Variants in MAN2A1 observed in about 807,000 individuals in gnomAD.
MAN2A1 encodes mannosidase alpha class 2A member 1.
Under a neutral mutation model 142.6 loss-of-function variants are expected in MAN2A1, and 76 were observed. The observed-to-expected ratio is 0.53, with a 90% CI of 0.44 to 0.65. The LOEUF (loss-of-function observed/expected upper bound fraction) is 0.65, where lower values mean the gene tolerates loss of function less well. Ranked by LOEUF, MAN2A1 falls within the 30% of genes least tolerant of loss-of-function variation. The pLI, the probability that MAN2A1 is intolerant of heterozygous loss-of-function variation, is 0.00. For synonymous variants in MAN2A1, 559 were observed against 473.2 expected (o/e 1.18, Z -2.35); for missense variants, 1,311 against 1,365.1 (o/e 0.96, Z 0.62).
intron 20 of MAN2A1, among the ~76,000 whole-genome samples, chr5:109,861,915 A>G (rs1755769050): frequency 6.6e-6 from 1 of 152,220 alleles, no homozygotes; most frequent in Admixed American, 6.5e-5. Flanking sequence ...GGTCATTGCT[A>G]TTTGAGTATA....
chr5:109,733,565 G>T (rs568702591), intron 4 of MAN2A1, among the ~76,000 whole-genome samples: 4 of 152,218 alleles, frequency 2.6e-5, no homozygotes, highest in East Asian at 3.9e-4. Flanking sequence ...AGAGTTTTTA[G>T]CATGAAGTGT....
At chr5:109,833,828 T>G (rs1226194186) in intron 16 of MAN2A1, among the ~76,000 whole-genome samples, 4 of 152,226 alleles carry the variant, frequency 2.6e-5, no homozygotes, top group Admixed American at 2.6e-4. Context: ...TCAATTATTT[T>G]TAAAGATCTA....
chr5:109,720,080 A>G (rs941409908), intron 3 of MAN2A1, among the ~76,000 whole-genome samples: 12 of 152,196 alleles, frequency 7.9e-5, no homozygotes, highest in South Asian at 6.2e-4. Context: ...TGTATCTATA[A>G]TCTTAATTCT....
intron 1 of MAN2A1, chr5:109,699,498 G>C (rs1390095249): frequency 6.6e-6 from 1 of 152,154 alleles, no homozygotes; most frequent in Admixed American, 6.5e-5. Context: ...GAATAAATAA[G>C]TGATGTAATG....
intron 12 of MAN2A1, among the ~76,000 whole-genome samples, chr5:109,812,145 T>G (rs186314394): frequency 6.6e-5 from 10 of 152,302 alleles, no homozygotes; most frequent in African/African-American, 1.9e-4. Context: ...CTAGGTGGTT[T>G]TCTAAACATT....
intron 12 of MAN2A1, among the ~76,000 whole-genome samples, chr5:109,800,432 G>T (rs941190397): frequency 1.3e-5 from 2 of 152,162 alleles, no homozygotes; most frequent in Non-Finnish European, 2.9e-5. Context: ...ATGACCTACT[G>T]CCAGTAGCAT....
intron 3 of MAN2A1, among the ~76,000 whole-genome samples, chr5:109,721,861 C>A (rs1381048525): frequency 6.6e-6 from 1 of 152,202 alleles, no homozygotes; most frequent in African/African-American, 2.4e-5. Context: ...CCTGGTAATA[C>A]AAATAATTAC....
intron 8 of MAN2A1, among the ~76,000 whole-genome samples, chr5:109,780,606 G>C (rs190665277): frequency 6.6e-6 from 1 of 151,866 alleles, no homozygotes; most frequent in African/African-American, 2.4e-5. Flanking sequence ...CACATTCCCT[G>C]TTAAATAATC....
intron 19 of MAN2A1, among the ~76,000 whole-genome samples, chr5:109,852,037 G>A (rs1755494486): frequency 6.6e-6 from 1 of 151,556 alleles, no homozygotes; most frequent in Admixed American, 6.6e-5. Flanking sequence ...GCCTGCCCAG[G>A]GTGACACAGA....
rs150959958 is a variant in MAN2A1 at position 109,814,919 on chromosome 5, C to G, written c.1944-2354C>G. Among the ~76,000 whole-genome samples the G allele has an allele frequency of 9.7e-4, 148 of 152,200 alleles. 1 individual carries two copies. Among genetic ancestry groups the G allele is most frequent in the Non-Finnish European group, 1.7e-3 (119 of 68,006 alleles). On this transcript the variant is annotated intron_variant, in intron 12 of 21. Transcript: ENST00000261483. ...CCCAAAGAACATGCCAGTAGGGATT[C>G]TAGGCTTAGTGTGCCTAGGTATGCC...
intron 16 of MAN2A1, among the ~76,000 whole-genome samples, chr5:109,833,093 C>T (rs1754965334): frequency 6.6e-6 from 1 of 151,446 alleles, no homozygotes; most frequent in South Asian, 2.1e-4. Flanking sequence ...CAGAGGCGCT[C>T]CCCATATCTC....
chr5:109,773,395 A>G (rs1753200017), intron 7 of MAN2A1, among the ~76,000 whole-genome samples: 1 of 152,162 alleles, frequency 6.6e-6, no homozygotes, highest in South Asian at 2.1e-4. Context: ...CTGGCTGCCT[A>G]GGAAATCTAG....
intron 1 of MAN2A1, among the ~76,000 whole-genome samples, chr5:109,701,094 A>G (rs1750968070): frequency 6.6e-6 from 1 of 152,230 alleles, no homozygotes; most frequent in African/African-American, 2.4e-5. Context: ...ATTATGTAGC[A>G]GGCACTGTTC....
chr5:109,799,581 C>T (rs1413831105), intron 12 of MAN2A1, among the ~76,000 whole-genome samples: 1 of 151,622 alleles, frequency 6.6e-6, no homozygotes, highest in Non-Finnish European at 1.5e-5. Flanking sequence ...ATGGAGAAAC[C>T]CCATCTCTAC....
intron 1 of MAN2A1, among the ~76,000 whole-genome samples, chr5:109,703,514 G>A (rs1751046310): frequency 6.6e-6 from 1 of 152,026 alleles, no homozygotes; most frequent in Non-Finnish European, 1.5e-5. Flanking sequence ...TTCTTGGGTG[G>A]GATACACTGT....
rs779987712 is a variant in MAN2A1, at chr5:109,868,644, C to T, written c.*1646C>T. 1.9e-4 allele frequency: 29 copies of T among 152,064 alleles called. No homozygotes were observed. The highest frequency in any genetic ancestry group is 3.8e-4 in the Non-Finnish European group (26 of 68,034). 9.4% of individuals were successfully genotyped at this position (152,064 alleles called of 1,614,324 possible). ...ATGTTAAATTCATAAACTCCTTCAC[C>T]TTTAATAATTAAGGAAACAATACCA... is the stretch of plus-strand genomic sequence containing the variant. On this transcript the variant is annotated 3_prime_UTR_variant, in exon 22 of 22. Transcript: ENST00000261483.
At chr5:109,830,389 A>C (rs1206697616) in intron 16 of MAN2A1, among the ~76,000 whole-genome samples, 2 of 152,202 alleles carry the variant, frequency 1.3e-5, no homozygotes, top group Non-Finnish European at 2.9e-5. Context: ...CATACAACTT[A>C]GTTTCACATA....
chr5:109,743,978 A>G (rs1752337096), intron 4 of MAN2A1, among the ~76,000 whole-genome samples: 1 of 152,068 alleles, frequency 6.6e-6, no homozygotes, highest in South Asian at 2.1e-4. Flanking sequence ...GTGTCCTCAG[A>G]CACATGCCGT....
chr5:109,700,731 G>A (rs1049167324), intron 1 of MAN2A1, among the ~76,000 whole-genome samples: 1 of 151,978 alleles, frequency 6.6e-6, no homozygotes. Flanking sequence ...TTCAGATAAG[G>A]GCACCGAGTC....
Sources: gnomAD v4.1 joint callset for allele counts (sites outside exome capture counted in the v4.1 genomes callset) on GRCh38, gnomAD v4.1.1 for gene constraint, MANE v1.5 for transcripts, NCBI Gene and HGNC (gene_info 2026-07-23, HGNC 2026-07-21) for gene names.